The following MAPK4 variants were observed in gnomAD, a reference collection of about 807,000 sequenced individuals.
MAPK4 encodes Erk3-related.
MAPK4 carries 22 observed loss-of-function variants against 47.7 expected under a neutral mutation model. The observed-to-expected ratio is 0.46, with a 90% confidence interval of 0.33 to 0.66. The LOEUF (loss-of-function observed/expected upper bound fraction) is 0.66. Ranked by LOEUF, MAPK4 falls within the 30% of genes least tolerant of loss-of-function variation. The probability of loss-of-function intolerance (pLI) is 0.02; values close to 1 mark genes in which losing one functional copy is unlikely to be tolerated. For missense variants in MAPK4, 736 were observed against 831.7 expected (o/e 0.88, Z 1.42); for synonymous variants, 390 against 365.7 (o/e 1.07, Z -0.76).
chr18:50,571,085 G>A (rs1402835944), intron 1 of MAPK4, among the ~76,000 whole-genome samples: 1 of 152,198 alleles, frequency 6.6e-6, no homozygotes, highest in East Asian at 1.9e-4. Context: ...TAAAGAGAAG[G>A]GAGGTGTGGG....
At chr18:50,707,225 A>G (rs1910104446) in intron 2 of MAPK4, among the ~76,000 whole-genome samples, 1 of 152,116 alleles carries the variant, frequency 6.6e-6, no homozygotes, top group South Asian at 2.1e-4. Flanking sequence ...GGCAAGAACA[A>G]TGGGGAGTCA....
At chr18:50,565,614 C>T (rs2042192015) in intron 1 of MAPK4, among the ~76,000 whole-genome samples, 1 of 152,156 alleles carries the variant, frequency 6.6e-6, no homozygotes, top group African/African-American at 2.4e-5. Flanking sequence ...AATGACATTT[C>T]AGTCAATGAA....
At chr18:50,615,788 A>G (rs889626738) in intron 1 of MAPK4, among the ~76,000 whole-genome samples, 3 of 152,340 alleles carry the variant, frequency 2.0e-5, no homozygotes, top group Admixed American at 2.0e-4. Flanking sequence ...CTTTTTCAGA[A>G]CAACAGACAG....
At chr18:50,569,895 A>G (rs1403962099) in intron 1 of MAPK4, among the ~76,000 whole-genome samples, 4 of 152,254 alleles carry the variant, frequency 2.6e-5, no homozygotes, top group Non-Finnish European at 5.9e-5. Context: ...CCAACTGGGT[A>G]AAAGCAGCCC....
chr18:50,728,456 C>A (rs1264750762), intron 5 of MAPK4, among the ~76,000 whole-genome samples: 3 of 152,202 alleles, frequency 2.0e-5, no homozygotes, highest in Non-Finnish European at 2.9e-5. Context: ...CCAAGCAGAT[C>A]CACCAGGGCA....
At chr18:50,638,859 G>T (rs1387784931) in intron 1 of MAPK4, among the ~76,000 whole-genome samples, 1 of 152,164 alleles carries the variant, frequency 6.6e-6, no homozygotes, top group African/African-American at 2.4e-5. Flanking sequence ...GCCCTGAGAA[G>T]TGGATTTGAT....
At chr18:50,635,169 T>C (rs927314339) in intron 1 of MAPK4, among the ~76,000 whole-genome samples, 1 of 152,218 alleles carries the variant, frequency 6.6e-6, no homozygotes, top group African/African-American at 2.4e-5. Context: ...CAGTGCCTCC[T>C]GTCAGTATCT....
chr18:50,597,413 C>A (rs1426096808), intron 1 of MAPK4, among the ~76,000 whole-genome samples: 1 of 152,180 alleles, frequency 6.6e-6, no homozygotes, highest in African/African-American at 2.4e-5. Flanking sequence ...CTGTCCTGCT[C>A]ATCTTGTTTC....
chr18:50,581,474 T>C (rs1202439749), intron 1 of MAPK4, among the ~76,000 whole-genome samples: 1 of 152,212 alleles, frequency 6.6e-6, no homozygotes, highest in Non-Finnish European at 1.5e-5. Flanking sequence ...GCAGTTACGG[T>C]ACCTCTACAA....
chr18:50,642,117 A>G (rs1329320720), intron 1 of MAPK4, among the ~76,000 whole-genome samples: 1 of 152,266 alleles, frequency 6.6e-6, no homozygotes, highest in African/African-American at 2.4e-5. Context: ...AAAATAAGTC[A>G]ATGATAACCA....
intron 3 of MAPK4, among the ~76,000 whole-genome samples, chr18:50,716,241 A>C (rs888406384): frequency 1.3e-4 from 20 of 152,028 alleles, no homozygotes; most frequent in African/African-American, 4.4e-4. Flanking sequence ...GTTCCCACCC[A>C]AACTGCCGTG....
chr18:50,719,196 C>T (rs1910796963), intron 3 of MAPK4, among the ~76,000 whole-genome samples: 1 of 152,080 alleles, frequency 6.6e-6, no homozygotes, highest in African/African-American at 2.4e-5. Flanking sequence ...CTTCATTTGC[C>T]CCCTGGACTC....
At position 50,729,745 on chromosome 18, in the gene MAPK4, A is replaced by C. The variant is rs773258325; in HGVS notation, c.1655A>C (p.Lys552Thr). Residue 552 changes from lysine to threonine, a missense_variant, in exon 6 of 6, where the codon AAG becomes ACG. Around this residue, in one of 3 missense-constraint regions of MAPK4, gnomAD observed 377 missense variants for 378.6 expected, o/e 1.00. Transcript: ENST00000400384. The part of the protein sequence containing the change: ...FISRALKLCT[K>T]PEDLPDNKLG... ...TCCCGCGCCCTGAAGCTCTGCACCA[A>C]GCCCGAGGACCTGCCGGACAATAAA... 3 of 1,605,208 alleles carry C rather than the reference A, an allele frequency of 1.9e-6. No individual in the cohort carries two copies. The highest frequency in any genetic ancestry group is 3.4e-5 in the Admixed American group (2 of 58,736).
chr18:50,704,971 A>G (rs1909976141), intron 2 of MAPK4: 1 of 390,044 alleles, frequency 2.6e-6, no homozygotes, highest in Admixed American at 4.5e-5. Flanking sequence ...GTGGAGGTGT[A>G]GAGAGGTGAA....
In MAPK4 at chr18:50,729,476, C is replaced by A; in HGVS notation, c.1386C>A (p.His462Gln). The A allele has an allele frequency of 6.7e-7, 1 of 1,487,080 alleles. No homozygotes were observed. The highest frequency in any genetic ancestry group is 9.0e-7 in the Non-Finnish European group (1 of 1,113,522). The allele number at this position is 1,487,080 out of a possible 1,614,324, so 92.1% of individuals were successfully genotyped here. Reference sequence around the variant, plus strand: ...CCAAGCTCATCCTGGACCTGTCGCACTGGAAGCAGGCGGCCGGCGCGCCCC... The same window carrying A: ...CCAAGCTCATCCTGGACCTGTCGCAATGGAAGCAGGCGGCCGGCGCGCCCC... ...SEPKLILDLS[H>Q]WKQAAGAPPT... The change falls in exon 6 of 6, where the codon CAC becomes CAA. Residue 462 changes from histidine to glutamine, a missense_variant. By Grantham distance (24) the His-to-Gln change is conservative. Around this residue, in one of 3 missense-constraint regions of MAPK4, gnomAD observed 377 missense variants for 378.6 expected, o/e 1.00. Coordinates refer to ENST00000400384, the MANE Select transcript of MAPK4 (RefSeq NM_002747.4).
At chr18:50,641,627 T>A (rs151030503) in intron 1 of MAPK4, among the ~76,000 whole-genome samples, 12 of 152,320 alleles carry the variant, frequency 7.9e-5, no homozygotes, top group African/African-American at 1.9e-4. Flanking sequence ...CCATCTCTTT[T>A]TAACTTAAAA....
rs939505572 is a variant in MAPK4, at chr18:50,687,969, CT to C, written c.546+23466del. 1.3e-4 allele frequency among the ~76,000 whole-genome samples: 20 copies of C among 152,268 alleles called. 1 individual carries two copies. The highest frequency in any genetic ancestry group is 1.2e-3 in the Admixed American group (19 of 15,284). ...AGATCAGGACTGACCAGGCACGAGG[CT>C]GGGTACTGAGAACAGATGACTAAAC... On this transcript the variant is annotated intron_variant, in intron 2 of 5. Coordinates refer to ENST00000400384, the MANE Select transcript of MAPK4 (RefSeq NM_002747.4).
At chr18:50,680,421 G>A (rs1052016531) in intron 2 of MAPK4, among the ~76,000 whole-genome samples, 5 of 152,078 alleles carry the variant, frequency 3.3e-5, no homozygotes, top group African/African-American at 1.2e-4. Flanking sequence ...ATGTTATTGA[G>A]ATATATTAAC....
chr18:50,580,486 C>G (rs1171323896), intron 1 of MAPK4, among the ~76,000 whole-genome samples: 1 of 152,212 alleles, frequency 6.6e-6, no homozygotes, highest in Non-Finnish European at 1.5e-5. Flanking sequence ...ACACCTTTTG[C>G]TAATGACATG....
Sources: allele counts gnomAD v4.1 joint callset (sites outside exome capture counted in the v4.1 genomes callset), GRCh38; gene constraint gnomAD v4.1.1; regional missense constraint gnomAD v4.1.1; transcripts MANE v1.5; gene names NCBI Gene and HGNC (gene_info 2026-07-23, HGNC 2026-07-21).